Variants in UMAD1 observed in about 807,000 individuals in gnomAD.
UMAD1 encodes the protein UBAP1-MVB12-associated (UMA) domain containing 1.
In UMAD1, 8 loss-of-function variants were observed where a neutral mutation model predicts 6.1. The ratio of observed to expected loss-of-function variants is 1.30; its 90% CI spans 0.76 to 2.35. UMAD1 has a LOEUF of 2.35. Among genes scored for constraint, UMAD1 ranks in the 30% most tolerant of loss-of-function variants. The pLI, the probability that UMAD1 is intolerant of heterozygous loss-of-function variation, is 0.00. For synonymous variants in UMAD1, 56 were observed against 31.4 expected (o/e 1.78, Z -2.61); for missense variants, 130 against 78.4 (o/e 1.66, Z -2.49).
chr7:7,652,277 G>A (rs1785240406), intron 1 of UMAD1, among the ~76,000 whole-genome samples: 1 of 152,124 alleles, frequency 6.6e-6, no homozygotes, highest in Non-Finnish European at 1.5e-5. Context: ...ACTCTTGGTC[G>A]ATTGTACTTC....
At chr7:7,669,272 C>T (rs746796372) in intron 1 of UMAD1, among the ~76,000 whole-genome samples, 1 of 152,112 alleles carries the variant, frequency 6.6e-6, no homozygotes, top group Non-Finnish European at 1.5e-5. Context: ...GATATAGGGT[C>T]TGACACACTG....
At chr7:7,717,603 C>T in intron 2 of UMAD1, among the ~76,000 whole-genome samples, 1 of 152,176 alleles carries the variant, frequency 6.6e-6, no homozygotes, top group East Asian at 1.9e-4. Flanking sequence ...GAAATGGTCT[C>T]AATCACATTG....
chr7:7,785,489 A>G (rs1227647663), intron 2 of UMAD1, among the ~76,000 whole-genome samples: 1 of 152,212 alleles, frequency 6.6e-6, no homozygotes, highest in African/African-American at 2.4e-5. Context: ...AAGCCATGAA[A>G]AGGAATTTGA....
chr7:7,862,041 G>A (rs1784126733), intron 3 of UMAD1, among the ~76,000 whole-genome samples: 1 of 152,002 alleles, frequency 6.6e-6, no homozygotes, highest in Non-Finnish European at 1.5e-5. Context: ...TCATACTTAG[G>A]TTATGAGAAT....
chr7:7,832,311 C>T (rs577268254), intron 3 of UMAD1, among the ~76,000 whole-genome samples: 1 of 152,220 alleles, frequency 6.6e-6, no homozygotes, highest in African/African-American at 2.4e-5. Flanking sequence ...TTTTGTGAAA[C>T]AGGTTTTTCT....
intron 1 of UMAD1, among the ~76,000 whole-genome samples, chr7:7,654,246 G>A (rs1218916580): frequency 6.6e-6 from 1 of 152,192 alleles, no homozygotes; most frequent in Non-Finnish European, 1.5e-5. Context: ...TATTTACAAA[G>A]TAATGGAGGA....
At chr7:7,675,942 A>G (rs1346400358) in intron 2 of UMAD1, among the ~76,000 whole-genome samples, 2 of 151,938 alleles carry the variant, frequency 1.3e-5, no homozygotes, top group Non-Finnish European at 2.9e-5. Context: ...GCAAAGCTCC[A>G]CCCCTTCACC....
intron 1 of UMAD1, among the ~76,000 whole-genome samples, chr7:7,648,713 T>C (rs1785152653): frequency 6.6e-6 from 1 of 151,508 alleles, no homozygotes; most frequent in African/African-American, 2.4e-5. Flanking sequence ...TAGCTGGCCA[T>C]GGTGGTGTGT....
intron 3 of UMAD1, among the ~76,000 whole-genome samples, chr7:7,819,898 G>C (rs572812679): frequency 6.6e-6 from 1 of 152,264 alleles, no homozygotes; most frequent in East Asian, 1.9e-4. Context: ...GTTAAACTCT[G>C]TTCTCCATAT....
chr7:7,787,479 A>G (rs1782482569), intron 2 of UMAD1, among the ~76,000 whole-genome samples: 1 of 152,228 alleles, frequency 6.6e-6, no homozygotes, highest in African/African-American at 2.4e-5. Flanking sequence ...CATATTAGCA[A>G]CCTTTAAAAT....
At chr7:7,653,771 G>A (rs1785280273) in intron 1 of UMAD1, among the ~76,000 whole-genome samples, 1 of 152,204 alleles carries the variant, frequency 6.6e-6, no homozygotes, top group South Asian at 2.1e-4. Flanking sequence ...TCTCCACCAG[G>A]GGCGGTTTTG....
chr7:7,795,178 G>C (rs79650837), intron 2 of UMAD1, among the ~76,000 whole-genome samples: 148 of 152,234 alleles, frequency 9.7e-4, no homozygotes, highest in Non-Finnish European at 1.6e-3. Context: ...TAACCTGACC[G>C]TCTCAGGCAC....
In UMAD1 at chr7:7,878,219, G is replaced by C. The variant is rs368159030; in HGVS notation, c.*681G>C. ...TGTTCTCTGCCTTTTTGCTACTTCA[G>C]TGTGCTCTCTGACCAGCTTTCCAAA... is the stretch of plus-strand genomic sequence containing the variant. On this transcript the variant is annotated 3_prime_UTR_variant, in exon 4 of 4. Coordinates refer to ENST00000682710, the MANE Select transcript of UMAD1 (RefSeq NM_001302348.2). The C allele has an allele frequency of 6.6e-6, 1 of 152,286 alleles. No homozygotes were observed. Among genetic ancestry groups the C allele is most frequent in the Non-Finnish European group, 1.5e-5 (1 of 68,120 alleles). The allele number at this position is 152,286 out of a possible 1,614,324, so 9.4% of individuals were successfully genotyped here.
chr7:7,737,177 T>C (rs922552554), intron 2 of UMAD1, among the ~76,000 whole-genome samples: 1 of 152,272 alleles, frequency 6.6e-6, no homozygotes, highest in Non-Finnish European at 1.5e-5. Context: ...CCCCATTGTC[T>C]ACTAAGTCAG....
At chr7:7,677,480 C>G (rs1222564262) in intron 2 of UMAD1, among the ~76,000 whole-genome samples, 1 of 151,964 alleles carries the variant, frequency 6.6e-6, no homozygotes, top group Non-Finnish European at 1.5e-5. Context: ...AAACTGAGCT[C>G]CCTCATATGA....
intron 2 of UMAD1, among the ~76,000 whole-genome samples, chr7:7,795,599 A>C (rs1319945358): frequency 6.6e-6 from 1 of 152,202 alleles, no homozygotes; most frequent in Non-Finnish European, 1.5e-5. Flanking sequence ...GGCTATTTTT[A>C]TGGTTATTTA....
At chr7:7,802,151 G>A (rs758439412) in intron 3 of UMAD1, among the ~76,000 whole-genome samples, 34 of 152,182 alleles carry the variant, frequency 2.2e-4, no homozygotes, top group Non-Finnish European at 5.0e-4. Context: ...AGGCCTAGGC[G>A]GGTAGATCAC....
chr7:7,851,490 G>A (rs56148581), intron 3 of UMAD1, among the ~76,000 whole-genome samples: 38,582 of 151,800 alleles, frequency 0.25, 6,425 homozygotes, highest in Non-Finnish European at 0.35. Context: ...AACATTTTCT[G>A]AAGTAGCTGC....
intron 2 of UMAD1, among the ~76,000 whole-genome samples, chr7:7,725,610 A>G (rs760698583): frequency 2.6e-5 from 4 of 152,176 alleles, no homozygotes; most frequent in Non-Finnish European, 2.9e-5. Flanking sequence ...TGAACTGCCT[A>G]TCATGAACTG....
Sources: allele counts gnomAD v4.1 joint callset (sites outside exome capture counted in the v4.1 genomes callset), GRCh38; gene constraint gnomAD v4.1.1; transcripts MANE v1.5; gene names NCBI Gene and HGNC (gene_info 2026-07-23, HGNC 2026-07-21).